KIAA0825: variants seen among roughly 807,000 people sequenced by gnomAD.
The protein encoded by KIAA0825 is KIAA0825, also known as uncharacterized protein KIAA0825.
Under a neutral mutation model 147.6 loss-of-function variants are expected in KIAA0825, and 119 were observed. That is an observed-to-expected ratio of 0.81 (90% CI 0.69 to 0.94). The LOEUF (loss-of-function observed/expected upper bound fraction) is 0.94, where lower values mean the gene tolerates loss of function less well. Among genes scored for constraint, KIAA0825 ranks in the 40% least tolerant of loss-of-function variants. The pLI, the probability that KIAA0825 is intolerant of heterozygous loss-of-function variation, is 0.00. For synonymous variants in KIAA0825, 470 were observed against 518.1 expected (o/e 0.91, Z 1.26); for missense variants, 1,381 against 1,472.7 (o/e 0.94, Z 1.02).
intron 1 of KIAA0825, among the ~76,000 whole-genome samples, chr5:94,582,909 G>T (rs944505814): frequency 3.9e-5 from 6 of 152,106 alleles, no homozygotes; most frequent in Middle Eastern, 3.2e-3. Context: ...ACGTGTGGTT[G>T]CACCATATAA....
chr5:94,347,493 C>A (rs1042976048), intron 20 of KIAA0825, among the ~76,000 whole-genome samples: 1 of 152,186 alleles, frequency 6.6e-6, no homozygotes, highest in Non-Finnish European at 1.5e-5. Flanking sequence ...TGCAGTCAAC[C>A]CCCAGTACAG....
chr5:94,187,104 A>T (rs1441291026), intron 20 of KIAA0825, among the ~76,000 whole-genome samples: 2 of 152,188 alleles, frequency 1.3e-5, no homozygotes, highest in Admixed American at 6.5e-5. Context: ...GCAAAGGTGG[A>T]TCGGAATTGA....
chr5:94,194,473 C>T lies in KIAA0825; in HGVS notation c.3711-40349G>A, dbSNP rs1474199649. On this transcript the variant is annotated intron_variant, in intron 20 of 20. Transcript: ENST00000682413. ...CTCTTTGGAATACCTGCCCCCTTCT[C>T]CAGCTATGTGAGGTGTATTCACTCA... Among the ~76,000 whole-genome samples, 3 of 152,278 alleles carry T rather than the reference C, an allele frequency of 2.0e-5. No individual in the cohort carries two copies. In the East Asian group the frequency reaches 5.8e-4, roughly 29 times the overall value.
At chr5:94,570,304 C>G (rs75846120) in intron 2 of KIAA0825, 5 of 153,690 alleles carry the variant, frequency 3.3e-5, no homozygotes, top group Admixed American at 6.5e-5. Context: ...ACCCAGACAA[C>G]TACACCCTGA....
chr5:94,554,289 G>A (rs1253448104), intron 2 of KIAA0825, among the ~76,000 whole-genome samples: 1 of 152,082 alleles, frequency 6.6e-6, no homozygotes, highest in African/African-American at 2.4e-5. Context: ...GGTAACATTA[G>A]GGAATCATAC....
intron 20 of KIAA0825, among the ~76,000 whole-genome samples, chr5:94,382,485 T>C (rs1457080714): frequency 6.6e-6 from 1 of 152,204 alleles, no homozygotes; most frequent in African/African-American, 2.4e-5. Context: ...AACCCTCAGG[T>C]GTCTTTAATC....
chr5:94,609,805 T>C (rs1184932723), intron 1 of KIAA0825, among the ~76,000 whole-genome samples: 1 of 151,752 alleles, frequency 6.6e-6, no homozygotes, highest in Non-Finnish European at 1.5e-5. Flanking sequence ...GAGAGCCAGA[T>C]TTCATCTCAA....
intron 14 of KIAA0825, among the ~76,000 whole-genome samples, chr5:94,437,066 C>T (rs1756472899): frequency 6.6e-6 from 1 of 152,054 alleles, no homozygotes; most frequent in South Asian, 2.1e-4. Context: ...AGTTATGTTG[C>T]TTGAAATATA....
At chr5:94,468,378 T>C (rs541702648) in intron 10 of KIAA0825, among the ~76,000 whole-genome samples, 4 of 152,304 alleles carry the variant, frequency 2.6e-5, no homozygotes, top group Admixed American at 1.3e-4. Context: ...GTTTGAAACA[T>C]GAGATGGATT....
Position 94,438,107 on chromosome 5 carries a change from C to T in KIAA0825, c.2497+1875G>A, listed in dbSNP as rs997516055. Among the ~76,000 whole-genome samples, 13 of 152,260 alleles carry T rather than the reference C, an allele frequency of 8.5e-5. 1 individual carries two copies. Among genetic ancestry groups the T allele is most frequent in the South Asian group, 4.1e-4 (2 of 4,824 alleles). ...AATTCTTCCCAATACTACGCTATTC[C>T]GCTTCAGGGTTTAATTTGCATGAGT... On this transcript the variant is annotated intron_variant, in intron 14 of 20. Transcript: ENST00000682413.
At chr5:94,405,727 T>A (rs1431441447) in intron 15 of KIAA0825, among the ~76,000 whole-genome samples, 2 of 152,114 alleles carry the variant, frequency 1.3e-5, no homozygotes, top group Non-Finnish European at 1.5e-5. Context: ...AGACAGTAAG[T>A]AGTACGGCAA....
chr5:94,518,005 TG>T (rs1767533350), intron 5 of KIAA0825, among the ~76,000 whole-genome samples: 1 of 152,100 alleles, frequency 6.6e-6, no homozygotes, highest in Admixed American at 6.5e-5. Flanking sequence ...CTACCTTGTT[TG>T]GTAGGTTAGA....
intron 20 of KIAA0825, among the ~76,000 whole-genome samples, chr5:94,362,724 GC>G (rs1360011927): frequency 6.6e-6 from 1 of 151,004 alleles, no homozygotes; most frequent in Non-Finnish European, 1.5e-5. Context: ...GCTGTGTCTG[GC>G]TGATTTCTTT....
chr5:94,548,740 GAAAC>G (rs371396463), intron 2 of KIAA0825, among the ~76,000 whole-genome samples: 10 of 152,058 alleles, frequency 6.6e-5, no homozygotes, highest in South Asian at 4.2e-4. Context: ...CATGTCAATG[GAAAC>G]AAACAAACAA....
intron 2 of KIAA0825, among the ~76,000 whole-genome samples, chr5:94,555,229 A>G (rs543653027): frequency 3.9e-5 from 6 of 152,222 alleles, no homozygotes; most frequent in Admixed American, 6.5e-5. Flanking sequence ...CCTTCCCCCA[A>G]TGACTACATA....
At chr5:94,353,155 A>C (rs997281748) in intron 20 of KIAA0825, among the ~76,000 whole-genome samples, 1 of 152,238 alleles carries the variant, frequency 6.6e-6, no homozygotes, top group Non-Finnish European at 1.5e-5. Flanking sequence ...AAAGCCAGGA[A>C]ACAACAATTA....
intron 14 of KIAA0825, among the ~76,000 whole-genome samples, chr5:94,425,222 C>A (rs1754703314): frequency 6.6e-6 from 1 of 151,938 alleles, no homozygotes; most frequent in Non-Finnish European, 1.5e-5. Context: ...AACATAAATG[C>A]AAAAATTGTC....
chr5:94,155,213 CTTTTTTTTTT>C (rs67704311), intron 20 of KIAA0825, among the ~76,000 whole-genome samples: 2 of 119,066 alleles, frequency 1.7e-5, no homozygotes, highest in Admixed American at 8.4e-5. Flanking sequence ...TATTTTCTTT[CTTTTTTTTTT>C]TTTTTTTTTT....
At chr5:94,340,230 G>A (rs1782234460) in intron 20 of KIAA0825, among the ~76,000 whole-genome samples, 1 of 152,068 alleles carries the variant, frequency 6.6e-6, no homozygotes, top group Non-Finnish European at 1.5e-5. Flanking sequence ...CATCTCTAGA[G>A]TTCTTATAAT....
Sources: gnomAD v4.1 joint callset for allele counts (sites outside exome capture counted in the v4.1 genomes callset) on GRCh38, gnomAD v4.1.1 for gene constraint, MANE v1.5 for transcripts, NCBI Gene and HGNC (gene_info 2026-07-23, HGNC 2026-07-21) for gene names.